Variants in PDZRN4 observed in about 807,000 individuals in gnomAD.
The protein encoded by PDZRN4 is PDZ domain containing ring finger 4.
In PDZRN4, 70 loss-of-function variants were observed where a neutral mutation model predicts 99.0. That is an observed-to-expected ratio of 0.71 (90% CI 0.58 to 0.86). The LOEUF (loss-of-function observed/expected upper bound fraction) is 0.86. PDZRN4 is among the 40% of genes least tolerant of loss of function. The pLI, the probability that PDZRN4 is intolerant of heterozygous loss-of-function variation, is 0.00. For synonymous variants in PDZRN4, 551 were observed against 501.6 expected (o/e 1.10, Z -1.32); for missense variants, 1,474 against 1,331.2 (o/e 1.11, Z -1.67).
chr12:41,478,654 T>G (rs568314026), intron 3 of PDZRN4, among the ~76,000 whole-genome samples: 1 of 152,296 alleles, frequency 6.6e-6, no homozygotes, highest in South Asian at 2.1e-4. Context: ...AGTCCTTTTA[T>G]ATGGAGGAAC....
intron 3 of PDZRN4, among the ~76,000 whole-genome samples, chr12:41,320,267 T>C (rs897485131): frequency 9.9e-5 from 15 of 152,204 alleles, no homozygotes; most frequent in Admixed American, 5.2e-4. Flanking sequence ...CAGACCTGTG[T>C]GGGTGCTACC....
At chr12:41,284,986 A>C (rs1232756614) in intron 3 of PDZRN4, among the ~76,000 whole-genome samples, 1 of 152,058 alleles carries the variant, frequency 6.6e-6, no homozygotes, top group South Asian at 2.1e-4. Flanking sequence ...GCAATGACAA[A>C]AAAAGCCAAA....
rs1258428467 is a variant in PDZRN4 at position 41,350,464 on chromosome 12, T to C, written c.844-155992T>C. 2.0e-5 allele frequency among the ~76,000 whole-genome samples: 3 copies of C among 152,224 alleles called. No homozygotes were observed. The East Asian group carries it at 5.8e-4, about 29-fold the overall frequency. On this transcript the variant is annotated intron_variant, in intron 3 of 9. Coordinates refer to ENST00000402685, the MANE Select transcript of PDZRN4 (RefSeq NM_001164595.2). ...CACTCAAGGTATCAAACAAAAAAGATGTCCTCAAGGATTCAAAATAACTTT... is the reference window on the plus strand; with the variant it reads ...CACTCAAGGTATCAAACAAAAAAGACGTCCTCAAGGATTCAAAATAACTTT...
intron 3 of PDZRN4, among the ~76,000 whole-genome samples, chr12:41,377,526 A>T (rs1336930725): frequency 6.6e-6 from 1 of 152,108 alleles, no homozygotes; most frequent in Non-Finnish European, 1.5e-5. Flanking sequence ...TTAGCCGGGC[A>T]TGGCAGCATG....
chr12:41,248,952 A>G (rs1951151154), intron 3 of PDZRN4, among the ~76,000 whole-genome samples: 1 of 152,184 alleles, frequency 6.6e-6, no homozygotes, highest in Non-Finnish European at 1.5e-5. Context: ...TTTAGATTTC[A>G]TGGTTATTAT....
chr12:41,224,160 C>A (rs1289653228), intron 3 of PDZRN4, among the ~76,000 whole-genome samples: 1 of 152,176 alleles, frequency 6.6e-6, no homozygotes, highest in Non-Finnish European at 1.5e-5. Context: ...CTGGGCTGTC[C>A]AGAAACTATC....
At chr12:41,294,812 C>T (rs1030429465) in intron 3 of PDZRN4, among the ~76,000 whole-genome samples, 1 of 151,916 alleles carries the variant, frequency 6.6e-6, no homozygotes, top group Non-Finnish European at 1.5e-5. Flanking sequence ...ATCTTTTCAA[C>T]AGAAAAACAT....
rs936438565 is a variant in PDZRN4 at position 41,341,775 on chromosome 12, C to A, written c.843+147587C>A. Among the ~76,000 whole-genome samples the A allele has an allele frequency of 5.3e-5, 8 of 151,910 alleles. No individual in the cohort carries two copies. In the South Asian group the frequency reaches 1.7e-3, roughly 32 times the overall value. On this transcript the variant is annotated intron_variant, in intron 3 of 9. Coordinates refer to ENST00000402685, the MANE Select transcript of PDZRN4 (RefSeq NM_001164595.2). ...ACACTGTTAAAACAGCCATACTACC[C>A]AAAGTGATCTACAAGTTTAATGCAA... is the stretch of plus-strand genomic sequence containing the variant.
rs371428122 is a variant in PDZRN4, at chr12:41,495,125, G to A, written c.844-11331G>A. On this transcript the variant is annotated intron_variant, in intron 3 of 9. Coordinates refer to ENST00000402685, the MANE Select transcript of PDZRN4 (RefSeq NM_001164595.2). ...AGGACCTTAGAAAGTATAAGTGTGT[G>A]TGTTTGTGCATGTGTGTGTGTGTGA... Among the ~76,000 whole-genome samples, 177 of 152,174 alleles carry A rather than the reference G, an allele frequency of 1.2e-3. 5 individuals are homozygous for A. The South Asian group carries it at 0.035, about 31-fold the overall frequency.
intron 5 of PDZRN4, among the ~76,000 whole-genome samples, chr12:41,523,580 CA>C (rs1247590527): frequency 6.6e-6 from 1 of 152,036 alleles, no homozygotes; most frequent in African/African-American, 2.4e-5. Context: ...ACTGGGAACA[CA>C]GGGGGCAACA....
In PDZRN4 at chr12:41,188,937, G is replaced by C; in HGVS notation, c.482G>C (p.Gly161Ala). 1 of 1,328,716 alleles carries C rather than the reference G, an allele frequency of 7.5e-7. No individual in the cohort carries two copies. Among genetic ancestry groups the C allele is most frequent in the East Asian group, 3.2e-5 (1 of 31,582 alleles). The allele number at this position is 1,328,716 out of a possible 1,614,324, so 82.3% of individuals were successfully genotyped here. A position where few individuals can be genotyped will look rare whatever the true frequency, so the allele number is the denominator to read the frequency against. ...GGRWGRGRGP[G>A]PRVLAWRRRE... ...CGCTGGGGCCGCGGGCGGGGACCCG[G>C]GCCTCGGGTCCTCGCCTGGAGGCGG... The change falls in exon 1 of 10, where the codon GGG becomes GCG. Residue 161 changes from glycine (G) to alanine (A), a missense_variant. Physicochemically the swap from Gly to Ala is moderately conservative, Grantham distance 60. Coordinates refer to ENST00000402685, the MANE Select transcript of PDZRN4 (RefSeq NM_001164595.2).
At chr12:41,564,261 C>T (rs1253310350) in intron 8 of PDZRN4, among the ~76,000 whole-genome samples, 1 of 151,926 alleles carries the variant, frequency 6.6e-6, no homozygotes, top group Non-Finnish European at 1.5e-5. Flanking sequence ...TTAGTGTGAC[C>T]AAAACAATTG....
chr12:41,552,164 T>C (rs1026812612), intron 5 of PDZRN4, among the ~76,000 whole-genome samples: 9 of 152,152 alleles, frequency 5.9e-5, no homozygotes, highest in Non-Finnish European at 1.3e-4. Context: ...TATTATCATA[T>C]TGTGTAGAAC....
chr12:41,341,072 A>G (rs1451682880), intron 3 of PDZRN4, among the ~76,000 whole-genome samples: 2 of 152,028 alleles, frequency 1.3e-5, no homozygotes, highest in East Asian at 3.9e-4. Context: ...GAAATCAATA[A>G]ATGCATTAAA....
intron 3 of PDZRN4, among the ~76,000 whole-genome samples, chr12:41,216,317 C>T (rs1024890152): frequency 2.6e-5 from 4 of 151,748 alleles, no homozygotes; most frequent in African/African-American, 9.7e-5. Context: ...ATAATCAGTG[C>T]CATTAACAGG....
At chr12:41,370,707 A>G (rs1201718300) in intron 3 of PDZRN4, among the ~76,000 whole-genome samples, 2 of 151,848 alleles carry the variant, frequency 1.3e-5, no homozygotes, top group African/African-American at 2.4e-5. Flanking sequence ...ACATTTTTAA[A>G]CCATGCATAT....
intron 5 of PDZRN4, among the ~76,000 whole-genome samples, chr12:41,536,061 C>T (rs562237460): frequency 9.2e-5 from 14 of 152,250 alleles, no homozygotes; most frequent in African/African-American, 3.4e-4. Flanking sequence ...ATACCATGGG[C>T]TTTGTCTCCT....
At chr12:41,305,439 G>A (rs1015727870) in intron 3 of PDZRN4, among the ~76,000 whole-genome samples, 4 of 152,154 alleles carry the variant, frequency 2.6e-5, no homozygotes, top group East Asian at 1.9e-4. Context: ...ATAAAATACC[G>A]TAGATTGAAC....
chr12:41,438,347 T>C (rs995640215), intron 3 of PDZRN4, among the ~76,000 whole-genome samples: 8 of 152,182 alleles, frequency 5.3e-5, no homozygotes, highest in Non-Finnish European at 2.9e-5. Flanking sequence ...CATTTGAAAA[T>C]CAATTGTATC....
Sources: gnomAD v4.1 joint callset for allele counts (sites outside exome capture counted in the v4.1 genomes callset) on GRCh38, gnomAD v4.1.1 for gene constraint, MANE v1.5 for transcripts, NCBI Gene and HGNC (gene_info 2026-07-23, HGNC 2026-07-21) for gene names.